The following RPRD1A variants were observed in gnomAD, a reference collection of about 807,000 sequenced individuals.
The protein encoded by RPRD1A is regulation of nuclear pre-mRNA domain containing 1A.
A neutral mutation model predicts 37.8 loss-of-function variants in RPRD1A; 9 were observed. That is an observed-to-expected ratio of 0.24 (90% CI 0.14 to 0.42). The LOEUF is 0.42. Among genes scored for constraint, RPRD1A ranks in the 10% least tolerant of loss-of-function variants. The pLI is 1.00. For missense variants in RPRD1A, 255 were observed against 371.0 expected (o/e 0.69, Z 2.57); for synonymous variants, 138 against 139.7 (o/e 0.99, Z 0.08).
At chr18:35,996,997 AAAAAAAG>A in intron 6 of RPRD1A, among the ~76,000 whole-genome samples, 1 of 144,498 alleles carries the variant, frequency 6.9e-6, no homozygotes, top group African/African-American at 2.5e-5. Context: ...AAAAAAAAAA[AAAAAAAG>A]AACTATCTGT....
intron 6 of RPRD1A, among the ~76,000 whole-genome samples, chr18:36,015,177 C>CAT (rs1296857322): frequency 1.9e-4 from 16 of 83,738 alleles, no homozygotes; most frequent in African/African-American, 7.9e-4. Context: ...CATATATACA[C>CAT]ACACACACAC....
At position 36,045,966 on chromosome 18, in the gene RPRD1A, G is replaced by A. The variant is rs1912924845; in HGVS notation, c.152-12129C>T. 2.0e-5 allele frequency among the ~76,000 whole-genome samples: 3 copies of A among 152,184 alleles called. No homozygotes were observed. The South Asian group carries it at 6.2e-4, about 32-fold the overall frequency. ...TTCTATTTTGAAGACTAACTATACA[G>A]ACATTTTTGAGGAAATCTGGGCTAC... On this transcript the variant is annotated intron_variant, in intron 1 of 6. Coordinates refer to ENST00000399022, the MANE Select transcript of RPRD1A (RefSeq NM_018170.5).
rs1226623066 is a variant in RPRD1A at position 36,033,797 on chromosome 18, A to G, written c.192T>C (p.Asn64=). 2 of 1,612,996 alleles carry G rather than the reference A, an allele frequency of 1.2e-6. No individual in the cohort carries two copies. Among genetic ancestry groups the G allele is most frequent in the East Asian group, 4.5e-5 (2 of 44,810 alleles). ...NRKLTFLYLA[N]DVIQNSKRKG... is the part of the protein sequence containing the mutation. ...TCCTCTTGCTGTTCTGTATGACATC[A>G]TTGGCTAGGTAGAGAAAAGTAAGCT... Residue 64 remains asparagine, a synonymous_variant, in exon 2 of 7, where the codon AAT becomes AAC. Transcript: ENST00000399022.
chr18:35,995,904 G>C (rs775491613), intron 6 of RPRD1A, among the ~76,000 whole-genome samples: 1 of 152,146 alleles, frequency 6.6e-6, no homozygotes, highest in African/African-American at 2.4e-5. Flanking sequence ...CTTTAGCTGT[G>C]AGAAAAACAT....
intron 1 of RPRD1A, among the ~76,000 whole-genome samples, chr18:36,041,361 A>G (rs1221704676): frequency 6.6e-6 from 1 of 152,066 alleles, no homozygotes; most frequent in Non-Finnish European, 1.5e-5. Context: ...ATGCTATCTT[A>G]AGTCCTATTG....
chr18:36,063,340 G>A (rs1317418108), intron 1 of RPRD1A, among the ~76,000 whole-genome samples: 3 of 152,026 alleles, frequency 2.0e-5, no homozygotes, highest in Non-Finnish European at 4.4e-5. Context: ...GCTAATTTTG[G>A]TATTTTCTGT....
chr18:36,045,283 CT>C (rs1275837454), intron 1 of RPRD1A, among the ~76,000 whole-genome samples: 2 of 151,876 alleles, frequency 1.3e-5, no homozygotes, highest in African/African-American at 4.8e-5. Context: ...GCAAAAAAAA[CT>C]AACTCAATTG....
chr18:36,061,092 C>T (rs1414042237), intron 1 of RPRD1A, among the ~76,000 whole-genome samples: 1 of 152,182 alleles, frequency 6.6e-6, no homozygotes, highest in Non-Finnish European at 1.5e-5. Context: ...GGCTGCAGGC[C>T]CAAGCCCCCC....
At chr18:36,015,153 C>G in intron 6 of RPRD1A, among the ~76,000 whole-genome samples, 1 of 108,222 alleles carries the variant, frequency 9.2e-6, no homozygotes, top group Non-Finnish European at 2.1e-5. Context: ...CACACACACA[C>G]ACACATATAT....
At chr18:36,002,868 A>G (rs995832348) in intron 6 of RPRD1A, among the ~76,000 whole-genome samples, 3 of 152,216 alleles carry the variant, frequency 2.0e-5, no homozygotes, top group African/African-American at 4.8e-5. Flanking sequence ...TAGACTGTGT[A>G]TAAGATCTGC....
chr18:36,018,543 G>T (rs527547838), intron 6 of RPRD1A, among the ~76,000 whole-genome samples: 62 of 152,226 alleles, frequency 4.1e-4, no homozygotes, highest in South Asian at 1.0e-3. Flanking sequence ...AAAGTGCTAG[G>T]ATTACAGGCG....
At position 36,026,937 on chromosome 18, in the gene RPRD1A, T is replaced by C. The variant is rs887529279; in HGVS notation, c.752A>G (p.Gln251Arg). The change falls in exon 6 of 7, where the codon CAA (glutamine) becomes CGA (arginine). Residue 251 changes from glutamine (Q) to arginine (R), a missense_variant. Physicochemically the swap from Gln to Arg is conservative, Grantham distance 43. Transcript: ENST00000399022. Reference sequence around the variant, plus strand: ...CTCTTTCTCTGCAAGGGCTTCCTTTTGACAACGAAGAAAATCTGCTAACAT... The same window carrying C: ...CTCTTTCTCTGCAAGGGCTTCCTTTCGACAACGAAGAAAATCTGCTAACAT... ...TRMLADFLRC[Q>R]KEALAEKEHK... 2 of 1,613,856 alleles carry C rather than the reference T, an allele frequency of 1.2e-6. No individual in the cohort carries two copies. The highest frequency in any genetic ancestry group is 2.7e-5 in the African/African-American group (2 of 74,938).
In RPRD1A at chr18:35,991,720, A is replaced by T. The variant is rs1908729099; in HGVS notation, c.*1431T>A. ...TGGAGAGAGGTCAAATTGTTAAAAG[A>T]ACTATTTGCAGAACTACTTGGCTAT... On this transcript the variant is annotated 3_prime_UTR_variant, in exon 7 of 7. Transcript: ENST00000399022. 1 of 152,208 alleles carries T rather than the reference A, an allele frequency of 6.6e-6. No homozygotes were observed. Among genetic ancestry groups the T allele is most frequent in the Non-Finnish European group, 1.5e-5 (1 of 68,034 alleles). The allele number at this position is 152,208 out of a possible 1,614,324, so 9.4% of individuals were successfully genotyped here. A position where few individuals can be genotyped will look rare whatever the true frequency, so the allele number is the denominator to read the frequency against.
chr18:36,058,850 T>C (rs995032412), intron 1 of RPRD1A, among the ~76,000 whole-genome samples: 6 of 152,184 alleles, frequency 3.9e-5, no homozygotes, highest in Non-Finnish European at 8.8e-5. Context: ...GCGTACAGTG[T>C]TGTTTTGCAG....
At chr18:36,041,612 C>T (rs1912585717) in intron 1 of RPRD1A, among the ~76,000 whole-genome samples, 1 of 152,224 alleles carries the variant, frequency 6.6e-6, no homozygotes, top group South Asian at 2.1e-4. Context: ...GCTGTGCAGA[C>T]TTGTATCCTG....
intron 2 of RPRD1A, among the ~76,000 whole-genome samples, chr18:36,032,416 T>C (rs1443502763): frequency 1.3e-5 from 2 of 152,160 alleles, no homozygotes; most frequent in Non-Finnish European, 2.9e-5. Context: ...GACTATAGAC[T>C]GTGTGGAATA....
intron 6 of RPRD1A, among the ~76,000 whole-genome samples, chr18:36,009,578 A>G (rs1910040960): frequency 6.6e-6 from 1 of 152,244 alleles, no homozygotes; most frequent in African/African-American, 2.4e-5. Context: ...GGGCACCCAC[A>G]GCATTTCTTC....
rs71166085 is a variant in RPRD1A, at chr18:36,033,299, CAAAAAAAAAAAAAAAA to C, written c.281+393_281+408del. Among the ~76,000 whole-genome samples the C allele has an allele frequency of 1.2e-4, 9 of 75,922 alleles. No individual in the cohort carries two copies. In the South Asian group the frequency reaches 3.4e-3, roughly 29 times the overall value. 49.8% of individuals were successfully genotyped at this position (75,922 alleles called of 152,430 possible). On this transcript the variant is annotated intron_variant, in intron 2 of 6. Coordinates refer to ENST00000399022, the MANE Select transcript of RPRD1A (RefSeq NM_018170.5). ...CCTGGGTGAGAGTGAGACTCTGTCT[CAAAAAAAAAAAAAAAA>C]AAAAAAAAAAGAATAGAAACAGTAC...
intron 1 of RPRD1A, among the ~76,000 whole-genome samples, chr18:36,046,609 T>C (rs985812207): frequency 5.9e-5 from 9 of 151,586 alleles, no homozygotes; most frequent in Admixed American, 1.3e-4. Flanking sequence ...GGTGGGTGGA[T>C]TGCTTGAGGT....
Sources: gnomAD v4.1 joint callset for allele counts (sites outside exome capture counted in the v4.1 genomes callset) on GRCh38, gnomAD v4.1.1 for gene constraint, MANE v1.5 for transcripts, NCBI Gene and HGNC (gene_info 2026-07-23, HGNC 2026-07-21) for gene names.